Variants in URGCP observed in about 807,000 individuals in gnomAD.
The protein encoded by URGCP is upregulator of cell proliferation.
URGCP carries 13 observed loss-of-function variants against 24.6 expected under a neutral mutation model. The observed-to-expected ratio is 0.53, with a 90% CI of 0.34 to 0.84. The LOEUF (loss-of-function observed/expected upper bound fraction) is 0.84, where lower values mean the gene tolerates loss of function less well. URGCP is among the 40% of genes least tolerant of loss of function. URGCP has a pLI of 0.01. For synonymous variants in URGCP, 444 were observed against 487.2 expected, an observed-to-expected ratio of 0.91 and a Z score of 1.17; for missense variants, 899 against 1,194.3, an observed-to-expected ratio of 0.75 and a Z score of 3.64.
chr7:43,876,848 T>C lies in URGCP; in HGVS notation c.2615A>G (p.Lys872Arg), dbSNP rs377467142. 48 of 1,614,014 alleles carry C rather than the reference T, an allele frequency of 3.0e-5. No individual in the cohort carries two copies. The highest frequency in any genetic ancestry group is 4.0e-5 in the Non-Finnish European group (47 of 1,180,038). The stretch of plus-strand genomic sequence containing the variant: ...GCCTGGGATGTGCCAGATGTGCTGC[T>C]TCTCAGGGTCGCAGAAGGCCAGGCC... ...LAGLAFCDPE[K>R]QHIWHIPGLW... The change falls in exon 6 of 6, where the codon AAG (lysine) becomes AGG (arginine). Residue 872 changes from lysine to arginine, a missense_variant. Physicochemically the swap from Lys to Arg is conservative, Grantham distance 26 (BLOSUM62 2). Coordinates refer to ENST00000453200, the MANE Select transcript of URGCP (RefSeq NM_001077663.3).
chr7:43,896,729 C>CACTACAAA (rs2095879070), intron 1 of URGCP, among the ~76,000 whole-genome samples: 1 of 152,166 alleles, frequency 6.6e-6, no homozygotes, highest in African/African-American at 2.4e-5. Flanking sequence ...AAACAAAAAA[C>CACTACAAA]ACTACAAACA....
intron 1 of URGCP, among the ~76,000 whole-genome samples, chr7:43,914,814 T>C (rs1454968365): frequency 1.3e-5 from 2 of 152,230 alleles, no homozygotes; most frequent in African/African-American, 4.8e-5. Context: ...CTTTGTAGGT[T>C]TTCTATCTCT....
At chr7:43,923,868 GTAT>G (rs1014260165) in intron 1 of URGCP, among the ~76,000 whole-genome samples, 3 of 149,010 alleles carry the variant, frequency 2.0e-5, no homozygotes, top group South Asian at 2.1e-4. Context: ...AATCTTTTGT[GTAT>G]TATTATTATT....
rs774211333 is a variant in URGCP, at chr7:43,878,366, C to T, written c.1097G>A (p.Ser366Asn). ...GTACAGCAATTTGTATTCCTTCTTA[C>T]TGATATTGTCAGTCAATATAAACAC... ...SAVFILTDNI[S>N]KKEYKLLYSM... Residue 366 changes from serine to asparagine, a missense_variant, in exon 6 of 6, where the codon AGT becomes AAT. Coordinates refer to ENST00000453200, the MANE Select transcript of URGCP (RefSeq NM_001077663.3). This position sits in a 1 kb window ranked among gnomAD's most constrained non-coding sequence, Gnocchi z 5.6. 1 of 1,614,192 alleles carries T rather than the reference C, an allele frequency of 6.2e-7. No individual in the cohort carries two copies. Among genetic ancestry groups the T allele is most frequent in the South Asian group, 1.1e-5 (1 of 91,086 alleles).
exon 1 of URGCP, chr7:43,926,354 G>A (rs553312340): frequency 5.6e-5 from 18 of 321,126 alleles, no homozygotes; most frequent in African/African-American, 3.3e-4. Context: ...GGGCAGCCCC[G>A]CTGCTTCCCC....
chr7:43,888,557 G>C (rs905287820), intron 1 of URGCP: 1 of 151,256 alleles, frequency 6.6e-6, no homozygotes, highest in Non-Finnish European at 1.5e-5. Context: ...GTGAGCAAAT[G>C]AGTAAATGTA....
At chr7:43,916,706 T>TTCCCCC (rs2095915830) in intron 1 of URGCP, among the ~76,000 whole-genome samples, 1 of 29,828 alleles carries the variant, frequency 3.4e-5, no homozygotes, top group Non-Finnish European at 6.7e-5. Context: ...TCCCACTCCC[T>TTCCCCC]ACCCACCCCC....
At position 43,884,342 on chromosome 7, in the gene URGCP, T is replaced by A. The variant is rs549175953; in HGVS notation, c.113-2385A>T. ...CATGGGGGGCCACTGAGGGCTCAGC[T>A]CCATGAGCCAACGTCTCCACTATAC... On this transcript the variant is annotated intron_variant, in intron 3 of 5. Coordinates refer to ENST00000453200, the MANE Select transcript of URGCP (RefSeq NM_001077663.3). Among the ~76,000 whole-genome samples, 10 of 152,198 alleles carry A rather than the reference T, an allele frequency of 6.6e-5. No individual in the cohort carries two copies. The South Asian group carries it at 2.1e-3, about 32-fold the overall frequency.
chr7:43,884,652 G>A (rs1236757527), intron 3 of URGCP, among the ~76,000 whole-genome samples: 1 of 152,152 alleles, frequency 6.6e-6, no homozygotes, highest in Non-Finnish European at 1.5e-5. Flanking sequence ...ACAATAGCAA[G>A]ACCCCTGTCT....
At chr7:43,884,849 T>C (rs963955524) in intron 3 of URGCP, among the ~76,000 whole-genome samples, 3 of 151,956 alleles carry the variant, frequency 2.0e-5, no homozygotes, top group Non-Finnish European at 4.4e-5. Context: ...AGCTATGAAG[T>C]AGAATCTTCA....
chr7:43,880,369 G>A (rs974630456), intron 5 of URGCP, among the ~76,000 whole-genome samples: 2 of 152,194 alleles, frequency 1.3e-5, no homozygotes, highest in African/African-American at 4.8e-5. Flanking sequence ...TGCTACCTCT[G>A]AAGATTCCAT....
intron 2 of URGCP, 97 bp downstream of exon 2, chr7:43,887,693 A>C: frequency 2.0e-6 from 3 of 1,514,006 alleles, no homozygotes; most frequent in Non-Finnish European, 2.6e-6. Flanking sequence ...ATATGCACCC[A>C]CAGTTGAGAA....
chr7:43,922,948 CTCTT>C (rs1304055488), intron 1 of URGCP, among the ~76,000 whole-genome samples: 2 of 150,040 alleles, frequency 1.3e-5, no homozygotes, highest in African/African-American at 2.5e-5. Flanking sequence ...CTTTCCTTCT[CTCTT>C]TCTCTCTCTT....
chr7:43,915,842 C>T (rs2095914864), intron 1 of URGCP, among the ~76,000 whole-genome samples: 1 of 152,182 alleles, frequency 6.6e-6, no homozygotes, highest in Non-Finnish European at 1.5e-5. Flanking sequence ...AACCCCGTCT[C>T]TACTAAAAAT....
rs776220574 is a variant in URGCP, at chr7:43,877,410, G to A, written c.2053C>T (p.Arg685Ter). Residue 685 changes from arginine (R) to a stop codon, truncating the protein, a stop_gained, in exon 6 of 6, where the codon CGA becomes TGA. Coordinates refer to ENST00000453200, the MANE Select transcript of URGCP (RefSeq NM_001077663.3). LOFTEE classifies it high-confidence loss of function. ...VTGLLKELHVRLERRSRLVVL... is the reference protein window; with the variant it reads ...VTGLLKELHV ...ACCAGCCTTGACCGTCTCTCCAGTC[G>A]GACGTGCAGCTCCTTCAGGAGCCCT... is the stretch of plus-strand genomic sequence containing the variant. 6.2e-7 allele frequency: 1 copy of A among 1,613,454 alleles called. No individual in the cohort carries two copies. The highest frequency in any genetic ancestry group is 1.1e-5 in the South Asian group (1 of 91,082).
intron 2 of URGCP, 136 bp from the exon 3 acceptor site, chr7:43,887,621 C>A: frequency 6.8e-7 from 1 of 1,476,170 alleles, no homozygotes; most frequent in South Asian, 1.4e-5. Context: ...ATCCATGAAA[C>A]CAGAATCTCT....
intron 3 of URGCP, among the ~76,000 whole-genome samples, chr7:43,883,187 T>C (rs545915625): frequency 6.6e-6 from 1 of 151,748 alleles, no homozygotes; most frequent in African/African-American, 2.4e-5. Flanking sequence ...CTAGATTTGC[T>C]TGCAAGCACA....
intron 1 of URGCP, among the ~76,000 whole-genome samples, chr7:43,911,883 G>T (rs1281292221): frequency 6.6e-6 from 1 of 151,764 alleles, no homozygotes; most frequent in Non-Finnish European, 1.5e-5. Flanking sequence ...ATAATGGAAT[G>T]AAACTAGAAA....
At chr7:43,892,676 A>T (rs1262873178) in intron 1 of URGCP, among the ~76,000 whole-genome samples, 1 of 152,236 alleles carries the variant, frequency 6.6e-6, no homozygotes, top group Non-Finnish European at 1.5e-5. Context: ...TCTCCAAAAA[A>T]GATCACAATC....
Sources: gnomAD v4.1 joint callset for allele counts (sites outside exome capture counted in the v4.1 genomes callset) on GRCh38, gnomAD v4.1.1 for gene constraint, Gnocchi (gnomAD v3.1) non-coding constraint, MANE v1.5 for transcripts, NCBI Gene and HGNC (gene_info 2026-07-23, HGNC 2026-07-21) for gene names.